CPA6: variants seen among roughly 807,000 people sequenced by gnomAD.
CPA6 encodes the protein carboxypeptidase A6.
CPA6 carries 58 observed loss-of-function variants against 63.3 expected under a neutral mutation model. The observed-to-expected ratio is 0.92, with a 90% CI of 0.74 to 1.14. CPA6 has a LOEUF of 1.14. Among genes scored for constraint, CPA6 ranks in the 50% most tolerant of loss-of-function variants. CPA6 has a pLI of 0.00. For synonymous variants in CPA6, 185 were observed against 179.0 expected, an observed-to-expected ratio of 1.03 and a Z score of -0.27; for missense variants, 565 against 526.6, an observed-to-expected ratio of 1.07 and a Z score of -0.71.
At chr8:67,624,373 T>C (rs1489887509) in intron 1 of CPA6, 122 bp from the exon 2 acceptor site, 2 of 542,324 alleles carry the variant, frequency 3.7e-6, no homozygotes, top group East Asian at 3.0e-5. Context: ...AACTTTTCAC[T>C]GGCCCAGTAA....
At position 67,713,663 on chromosome 8, in the gene CPA6, TTC is replaced by T. The variant is rs549811877; in HGVS notation, c.116+32349_116+32350del. ...GGCCTGGGAATATTTCATCCATTGT[TTC>T]TGAGTCACTCAGATTATAATTGCAG... On this transcript the variant is annotated intron_variant, in intron 1 of 10. Transcript: ENST00000297770. Among the ~76,000 whole-genome samples, 786 of 152,328 alleles carry T rather than the reference TTC, an allele frequency of 5.2e-3. 4 individuals carry two copies. Among genetic ancestry groups the T allele is most frequent in the Non-Finnish European group, 9.2e-3 (627 of 68,022 alleles).
chr8:67,653,126 C>G (rs923920516), intron 1 of CPA6, among the ~76,000 whole-genome samples: 4 of 151,816 alleles, frequency 2.6e-5, no homozygotes, highest in African/African-American at 7.3e-5. Flanking sequence ...CAGTACCATG[C>G]TGTTTTGGTT....
intron 1 of CPA6, among the ~76,000 whole-genome samples, chr8:67,695,433 T>C (rs1232189155): frequency 1.3e-5 from 2 of 152,224 alleles, no homozygotes; most frequent in African/African-American, 2.4e-5. Context: ...ATGGAAGGGA[T>C]AGCATTTTGT....
At chr8:67,573,891 C>CAAA (rs34145304) in intron 2 of CPA6, among the ~76,000 whole-genome samples, 388 of 33,498 alleles carry the variant, frequency 0.012, 27 homozygotes, top group Non-Finnish European at 0.017. Context: ...GACTCCGTCT[C>CAAA]AAAAAAAAAA....
intron 8 of CPA6, among the ~76,000 whole-genome samples, chr8:67,448,888 C>G (rs910857959): frequency 1.3e-5 from 2 of 151,972 alleles, no homozygotes; most frequent in African/African-American, 4.8e-5. Context: ...ATAGCCAACT[C>G]TGTCAGCATA....
At position 67,546,072 on chromosome 8, in the gene CPA6, G is replaced by A. The variant is rs6983606; in HGVS notation, c.193-28025C>T. 2.0e-5 allele frequency among the ~76,000 whole-genome samples: 3 copies of A among 152,122 alleles called. No individual in the cohort carries two copies. The East Asian group carries it at 5.8e-4, about 29-fold the overall frequency. On this transcript the variant is annotated intron_variant, in intron 2 of 10. Coordinates refer to ENST00000297770, the MANE Select transcript of CPA6 (RefSeq NM_020361.5). ...GTTTCTTTGCTGGAAGGTCTTGCTT[G>A]CTTCCTTACTATATCCCTCCCACCC...
intron 1 of CPA6, among the ~76,000 whole-genome samples, chr8:67,742,615 TCTTA>T (rs375109106): frequency 2.6e-4 from 40 of 152,330 alleles, no homozygotes; most frequent in African/African-American, 8.9e-4. Flanking sequence ...CCTGTTAAGT[TCTTA>T]CTAAGTGCCA....
At chr8:67,732,499 G>A (rs972900857) in intron 1 of CPA6, 4 of 152,150 alleles carry the variant, frequency 2.6e-5, no homozygotes, top group African/African-American at 9.7e-5. Flanking sequence ...AGAAGATACA[G>A]CATCTTACTC....
At chr8:67,458,594 G>T (rs1810730369) in intron 8 of CPA6, among the ~76,000 whole-genome samples, 1 of 152,216 alleles carries the variant, frequency 6.6e-6, no homozygotes, top group Non-Finnish European at 1.5e-5. Flanking sequence ...TTCTGCGAAA[G>T]ACAATGTCAA....
At chr8:67,562,176 G>A (rs1813228406) in intron 2 of CPA6, among the ~76,000 whole-genome samples, 1 of 152,198 alleles carries the variant, frequency 6.6e-6, no homozygotes, top group Non-Finnish European at 1.5e-5. Flanking sequence ...TAGTTCTTTA[G>A]ATGAGCTTTA....
intron 1 of CPA6, 23 bp downstream of exon 1, chr8:67,745,991 G>A (rs768509343): frequency 1.9e-6 from 3 of 1,567,466 alleles, no homozygotes; most frequent in Admixed American, 3.4e-5. Context: ...AGCTGTGTAG[G>A]GCATGAATGT....
intron 1 of CPA6, among the ~76,000 whole-genome samples, chr8:67,717,236 T>C (rs879812085): frequency 2.0e-5 from 3 of 152,130 alleles, no homozygotes; most frequent in Non-Finnish European, 2.9e-5. Flanking sequence ...TTGCCTGAAG[T>C]GTGTTTTCAA....
At chr8:67,618,943 C>T (rs1815017880) in intron 2 of CPA6, among the ~76,000 whole-genome samples, 1 of 152,054 alleles carries the variant, frequency 6.6e-6, no homozygotes, top group South Asian at 2.1e-4. Context: ...TTTCTCAATC[C>T]AGTTCTCTAG....
chr8:67,481,642 AC>A (rs1448060237), intron 8 of CPA6, among the ~76,000 whole-genome samples: 4 of 152,220 alleles, frequency 2.6e-5, no homozygotes, highest in Admixed American at 1.3e-4. Flanking sequence ...TGCTGACCCT[AC>A]AGTGTTTTCA....
At chr8:67,650,578 A>T (rs1432073091) in intron 1 of CPA6, among the ~76,000 whole-genome samples, 1 of 152,160 alleles carries the variant, frequency 6.6e-6, no homozygotes, top group Non-Finnish European at 1.5e-5. Flanking sequence ...TGAATAAATC[A>T]TGGTGCCAGA....
At chr8:67,670,008 T>C (rs1252848985) in intron 1 of CPA6, among the ~76,000 whole-genome samples, 6 of 152,182 alleles carry the variant, frequency 3.9e-5, no homozygotes, top group Non-Finnish European at 7.3e-5. Flanking sequence ...ATTAAAGTAT[T>C]TATATTGTTT....
At position 67,680,621 on chromosome 8, in the gene CPA6, G is replaced by T. The variant is rs58468520; in HGVS notation, c.117-56370C>A. On this transcript the variant is annotated intron_variant, in intron 1 of 10. Transcript: ENST00000297770. ...GGTATAGATTCTTTTTAACAATCAG[G>T]TATTCAGACATGCTCTGCCTTCCTA... 3.6e-3 allele frequency among the ~76,000 whole-genome samples: 551 copies of T among 152,160 alleles called. 6 individuals carry two copies. The highest frequency in any genetic ancestry group is 0.013 in the African/African-American group (528 of 41,500).
At chr8:67,714,168 T>C (rs973287662) in intron 1 of CPA6, among the ~76,000 whole-genome samples, 5 of 152,238 alleles carry the variant, frequency 3.3e-5, no homozygotes, top group African/African-American at 1.2e-4. Context: ...AAATATATTA[T>C]GGGGTACATA....
chr8:67,499,346 C>T (rs1811787553), intron 6 of CPA6, among the ~76,000 whole-genome samples: 1 of 152,168 alleles, frequency 6.6e-6, no homozygotes, highest in Admixed American at 6.5e-5. Context: ...ATGAAATTGA[C>T]TGTTTCTCTA....
Sources: gnomAD v4.1 joint callset for allele counts (sites outside exome capture counted in the v4.1 genomes callset) on GRCh38, gnomAD v4.1.1 for gene constraint, MANE v1.5 for transcripts, NCBI Gene and HGNC (gene_info 2026-07-23, HGNC 2026-07-21) for gene names.